Variants in MRTFB observed in about 807,000 individuals in gnomAD.
MRTFB encodes myocardin-related transcription factor B.
MRTFB carries 29 observed loss-of-function variants against 104.2 expected under a neutral mutation model. The ratio of observed to expected loss-of-function variants is 0.28; its 90% CI spans 0.21 to 0.38. The LOEUF (loss-of-function observed/expected upper bound fraction) is 0.38. MRTFB is among the 10% of genes least tolerant of loss of function. The pLI, the probability that MRTFB is intolerant of heterozygous loss-of-function variation, is 1.00. For missense variants in MRTFB, 1,270 were observed against 1,341.6 expected (o/e 0.95, Z 0.83); for synonymous variants, 535 against 519.5 (o/e 1.03, Z -0.41).
intron 2 of MRTFB, among the ~76,000 whole-genome samples, chr16:14,121,289 A>G (rs2036834154): frequency 6.7e-6 from 1 of 150,334 alleles, no homozygotes; most frequent in South Asian, 2.1e-4. Context: ...AAAGAATGCT[A>G]TTTTTAAGTG....
chr16:14,050,365 T>C, the MRTFB span, among the ~76,000 whole-genome samples: 1 of 152,118 alleles, frequency 6.6e-6, no homozygotes, highest in African/African-American at 2.4e-5. Flanking sequence ...AAAGTCTCAA[T>C]TTTTTTCCTC....
intron 3 of MRTFB, among the ~76,000 whole-genome samples, chr16:14,153,976 C>G (rs1228773839): frequency 6.6e-6 from 1 of 152,208 alleles, no homozygotes; most frequent in Non-Finnish European, 1.5e-5. Flanking sequence ...CATGTGCTTA[C>G]AACTACATGA....
intron 2 of MRTFB, among the ~76,000 whole-genome samples, chr16:14,095,013 G>A (rs1045563337): frequency 1.3e-5 from 2 of 152,142 alleles, no homozygotes; most frequent in African/African-American, 4.8e-5. Context: ...AATAATAATA[G>A]CACTGCTGGT....
intron 2 of MRTFB, among the ~76,000 whole-genome samples, chr16:14,093,735 T>A (rs916704749): frequency 1.3e-5 from 2 of 152,222 alleles, no homozygotes; most frequent in Non-Finnish European, 2.9e-5. Context: ...TATTTTAGAT[T>A]TTAATGATGA....
chr16:14,224,503 A>G (rs1409713319), intron 8 of MRTFB, among the ~76,000 whole-genome samples: 1 of 152,218 alleles, frequency 6.6e-6, no homozygotes, highest in Non-Finnish European at 1.5e-5. Context: ...CAAGAAATTC[A>G]ATAAACTCCA....
At chr16:14,203,205 AAT>A (rs2040788852) in intron 3 of MRTFB, among the ~76,000 whole-genome samples, 2 of 151,976 alleles carry the variant, frequency 1.3e-5, no homozygotes, top group African/African-American at 4.8e-5. Flanking sequence ...GTAATTAAGT[AAT>A]ATACATTGGA....
At chr16:14,056,210 C>T in the MRTFB span, among the ~76,000 whole-genome samples, 1 of 152,086 alleles carries the variant, frequency 6.6e-6, no homozygotes, top group Non-Finnish European at 1.5e-5. Flanking sequence ...AACTCCTGAC[C>T]TCAAGGGATC....
At chr16:14,031,195 C>T in the MRTFB span, among the ~76,000 whole-genome samples, 1 of 152,042 alleles carries the variant, frequency 6.6e-6, no homozygotes, top group East Asian at 1.9e-4. Context: ...AGTTCAAGGC[C>T]AGCCTGATCA....
At chr16:14,028,676 G>A in the MRTFB span, among the ~76,000 whole-genome samples, 1 of 152,176 alleles carries the variant, frequency 6.6e-6, no homozygotes, top group Admixed American at 6.5e-5. Context: ...CTGGGTTGGA[G>A]TCCCAACCGC....
At chr16:14,187,394 GCTT>G (rs2039995043) in intron 3 of MRTFB, among the ~76,000 whole-genome samples, 2 of 152,028 alleles carry the variant, frequency 1.3e-5, no homozygotes, top group Admixed American at 1.3e-4. Flanking sequence ...TGAGAACACT[GCTT>G]CTTTTAGGTT....
the MRTFB span, among the ~76,000 whole-genome samples, chr16:14,048,390 G>A: frequency 6.6e-6 from 1 of 152,326 alleles, no homozygotes; most frequent in East Asian, 1.9e-4. Context: ...GTGACCCAGA[G>A]CCAGCTCTGC....
At chr16:14,115,887 C>A (rs924314233) in intron 2 of MRTFB, among the ~76,000 whole-genome samples, 2 of 152,154 alleles carry the variant, frequency 1.3e-5, no homozygotes, top group Non-Finnish European at 2.9e-5. Context: ...GCTTCCCCTC[C>A]CCTCCATGCT....
chr16:14,103,155 A>G (rs1461337669), intron 2 of MRTFB, among the ~76,000 whole-genome samples: 1 of 152,108 alleles, frequency 6.6e-6, no homozygotes, highest in African/African-American at 2.4e-5. Flanking sequence ...CTTTGCTCTC[A>G]TCTAATATTC....
In MRTFB at chr16:14,248,948, A is replaced by G; in HGVS notation, c.2270A>G (p.Gln757Arg). ...KLQTSPQAGMQTQPQIATAAQ... is the reference protein window; with the variant it reads ...KLQTSPQAGMRTQPQIATAAQ... ...TAGACTTCACCACAAGCAGGAATGC[A>G]GACTCAGCCTCAGATAGCAACTGCT... Residue 757 changes from glutamine to arginine, a missense_variant, in exon 13 of 17, where the codon CAG becomes CGG. Physicochemically the swap from Gln to Arg is conservative, Grantham distance 43. This residue lies in a region of MRTFB where 1,144 missense variants were observed against 1,131.5 expected (regional missense o/e 1.01). Coordinates refer to ENST00000571589, the MANE Select transcript of MRTFB (RefSeq NM_001308142.2). The G allele has an allele frequency of 6.2e-7, 1 of 1,614,070 alleles. No homozygotes were observed. Among genetic ancestry groups the G allele is most frequent in the Non-Finnish European group, 8.5e-7 (1 of 1,179,982 alleles).
the MRTFB span, among the ~76,000 whole-genome samples, chr16:14,016,321 A>C: frequency 4.9e-5 from 7 of 142,390 alleles, no homozygotes; most frequent in African/African-American, 1.8e-4. Context: ...TCCCAGTCAG[A>C]AAAAAAAAAA....
intron 8 of MRTFB, among the ~76,000 whole-genome samples, chr16:14,228,188 G>A (rs2042094855): frequency 6.6e-6 from 1 of 152,206 alleles, no homozygotes; most frequent in Non-Finnish European, 1.5e-5. Context: ...GTGGGAAAGT[G>A]AAATGGTATA....
At chr16:14,058,934 G>C in the MRTFB span, among the ~76,000 whole-genome samples, 1 of 151,828 alleles carries the variant, frequency 6.6e-6, no homozygotes, top group Non-Finnish European at 1.5e-5. Flanking sequence ...TGGCCAGGCT[G>C]GTCTCGAACT....
chr16:14,087,850 C>T (rs2034817381), intron 2 of MRTFB, among the ~76,000 whole-genome samples: 1 of 152,178 alleles, frequency 6.6e-6, no homozygotes, highest in Non-Finnish European at 1.5e-5. Flanking sequence ...CAGATTGCAT[C>T]AATCTTTATG....
At chr16:14,236,229 A>G (rs974271854) in intron 9 of MRTFB, among the ~76,000 whole-genome samples, 2 of 152,206 alleles carry the variant, frequency 1.3e-5, no homozygotes, top group South Asian at 2.1e-4. Flanking sequence ...ATAACGAAAT[A>G]AGAAGGTAAA....
Sources: allele counts gnomAD v4.1 joint callset (sites outside exome capture counted in the v4.1 genomes callset), GRCh38; gene constraint gnomAD v4.1.1; regional missense constraint gnomAD v4.1.1; transcripts MANE v1.5; gene names NCBI Gene and HGNC (gene_info 2026-07-23, HGNC 2026-07-21).